The following SETBP1 variants were observed in gnomAD, a reference collection of about 807,000 sequenced individuals.
SETBP1 encodes SET binding protein 1.
Under a neutral mutation model 101.0 loss-of-function variants are expected in SETBP1, and 9 were observed. That is an observed-to-expected ratio of 0.09 (90% confidence interval 0.05 to 0.16). The LOEUF is 0.16. Ranked by LOEUF, SETBP1 falls within the 10% of genes least tolerant of loss-of-function variation. The pLI is 1.00. For synonymous variants in SETBP1, 818 were observed against 788.5 expected, an observed-to-expected ratio of 1.04 and a Z score of -0.63; for missense variants, 1,858 against 2,033.8, an observed-to-expected ratio of 0.91 and a Z score of 1.66.
chr18:44,953,324 C>T lies in SETBP1; in HGVS notation c.3984C>T (p.Asp1328=), dbSNP rs199931480. 3.0e-5 allele frequency: 48 copies of T among 1,613,610 alleles called. No homozygotes were observed. The highest frequency in any genetic ancestry group is 3.9e-5 in the Non-Finnish European group (46 of 1,179,904). The part of the protein sequence containing the change: ...KMNRKERSSY[D]SSMSPGMPSP... ...ACCGCAAGGAGAGAAGTTCTTATGA[C>T]TCCTCCATGTCTCCAGGTAAGGCTG... Residue 1328 remains aspartate (D), a synonymous_variant, in exon 4 of 6, where the codon GAC becomes GAT. Transcript: ENST00000649279.
chr18:45,048,266 T>C (rs1248267352), intron 5 of SETBP1, among the ~76,000 whole-genome samples: 3 of 152,178 alleles, frequency 2.0e-5, no homozygotes, highest in Non-Finnish European at 4.4e-5. Context: ...ATCAATGAAA[T>C]GAGAAAAGTG....
At chr18:44,913,517 G>C (rs1005022915) in intron 3 of SETBP1, among the ~76,000 whole-genome samples, 1 of 152,250 alleles carries the variant, frequency 6.6e-6, no homozygotes, top group Non-Finnish European at 1.5e-5. Flanking sequence ...GACTAGAGGT[G>C]AGTCAGGACT....
At chr18:44,926,411 G>C (rs1374134901) in intron 3 of SETBP1, among the ~76,000 whole-genome samples, 1 of 152,168 alleles carries the variant, frequency 6.6e-6, no homozygotes, top group Non-Finnish European at 1.5e-5. Context: ...TTGTCTGATG[G>C]TTAGTGCTGC....
rs183614733 is a variant in SETBP1, at chr18:45,042,278, T to C, written c.4171+3623T>C. On this transcript the variant is annotated intron_variant, in intron 5 of 5. Transcript: ENST00000649279. The stretch of plus-strand genomic sequence containing the variant: ...GATTCTCCTGCCTCAGCCTACCAAG[T>C]GGCTGGGATTACAGGCACATGCCAC... 1.8e-3 allele frequency among the ~76,000 whole-genome samples: 279 copies of C among 151,546 alleles called. 2 individuals carry two copies. Among genetic ancestry groups the C allele is most frequent in the African/African-American group, 6.5e-3 (269 of 41,284 alleles).
intron 2 of SETBP1, among the ~76,000 whole-genome samples, chr18:44,760,872 G>A (rs756326659): frequency 6.6e-6 from 1 of 151,970 alleles, no homozygotes; most frequent in Non-Finnish European, 1.5e-5. Flanking sequence ...AAGAAGGAAG[G>A]AATCTTAAAT....
intron 4 of SETBP1, among the ~76,000 whole-genome samples, chr18:44,978,523 A>G (rs955613627): frequency 3.9e-5 from 6 of 152,318 alleles, no homozygotes; most frequent in African/African-American, 1.4e-4. Context: ...TTTATCTGCC[A>G]TGATTCTTAT....
intron 3 of SETBP1, among the ~76,000 whole-genome samples, chr18:44,912,248 G>A (rs936137554): frequency 6.6e-6 from 1 of 152,098 alleles, no homozygotes; most frequent in Admixed American, 6.5e-5. Flanking sequence ...CCATGTTCAA[G>A]GCATATAATG....
intron 3 of SETBP1, among the ~76,000 whole-genome samples, chr18:44,937,662 G>A (rs946505208): frequency 1.3e-5 from 2 of 152,220 alleles, no homozygotes; most frequent in African/African-American, 4.8e-5. Flanking sequence ...AAGGTCTTAG[G>A]AGAAGACCGG....
intron 2 of SETBP1, among the ~76,000 whole-genome samples, chr18:44,858,759 G>A (rs1180887941): frequency 1.3e-5 from 2 of 152,164 alleles, no homozygotes; most frequent in African/African-American, 4.8e-5. Context: ...CTCATGCTGT[G>A]TTGGATTTGA....
chr18:44,961,639 G>A (rs2071613201), intron 4 of SETBP1, among the ~76,000 whole-genome samples: 1 of 152,124 alleles, frequency 6.6e-6, no homozygotes, highest in Non-Finnish European at 1.5e-5. Context: ...CTTATACTAT[G>A]TCATTCCACA....
intron 1 of SETBP1, among the ~76,000 whole-genome samples, chr18:44,698,524 G>A (rs1398080745): frequency 3.3e-5 from 5 of 151,960 alleles, no homozygotes; most frequent in African/African-American, 4.8e-5. Flanking sequence ...TCCTGCACAC[G>A]CCTGCCCAGG....
At chr18:44,704,145 C>T (rs2069171268) in intron 2 of SETBP1, among the ~76,000 whole-genome samples, 1 of 152,158 alleles carries the variant, frequency 6.6e-6, no homozygotes, top group Non-Finnish European at 1.5e-5. Flanking sequence ...AGCTTTCTCC[C>T]CATTGGAACA....
At position 45,066,150 on chromosome 18, in the gene SETBP1, T is replaced by C. The variant is rs746353749; in HGVS notation, c.*2452T>C. 2.0e-5 allele frequency: 3 copies of C among 152,194 alleles called. No homozygotes were observed. The highest frequency in any genetic ancestry group is 4.4e-5 in the Non-Finnish European group (3 of 68,046). 9.4% of individuals were successfully genotyped at this position (152,194 alleles called of 1,614,324 possible). The stretch of plus-strand genomic sequence containing the variant: ...CCAAAGTTTACTTGACATTAACCTC[T>C]AGTAGGTGAGAAATTCCAAAAAAGC... On this transcript the variant is annotated 3_prime_UTR_variant, in exon 6 of 6. Coordinates refer to ENST00000649279, the MANE Select transcript of SETBP1 (RefSeq NM_015559.3).
At chr18:45,003,348 G>A (rs879534360) in intron 4 of SETBP1, among the ~76,000 whole-genome samples, 20 of 152,134 alleles carry the variant, frequency 1.3e-4, no homozygotes, top group Admixed American at 6.5e-4. Flanking sequence ...TTAAACAATG[G>A]CAATATCGTT....
intron 3 of SETBP1, among the ~76,000 whole-genome samples, chr18:44,946,262 G>A (rs992191212): frequency 1.3e-5 from 2 of 152,334 alleles, no homozygotes; most frequent in Non-Finnish European, 2.9e-5. Context: ...AGGGCAGACT[G>A]CAGCTGAAAT....
chr18:44,865,542 G>C (rs1036929), intron 2 of SETBP1, among the ~76,000 whole-genome samples: 47,863 of 152,042 alleles, frequency 0.31, 7,669 homozygotes, highest in South Asian at 0.41. Flanking sequence ...CTTTATTTCT[G>C]ATCCACACCT....
In SETBP1 at chr18:44,952,933, C is replaced by T. The variant is rs200960707; in HGVS notation, c.3593C>T (p.Pro1198Leu). The change falls in exon 4 of 6, where the codon CCG (proline) becomes CTG (leucine). Residue 1198 changes from proline (P) to leucine (L), a missense_variant. By Grantham distance (98) the Pro-to-Leu change is moderately conservative. Around this residue, in one of 12 missense-constraint regions of SETBP1, gnomAD observed 417 missense variants for 389.1 expected, o/e 1.07. Transcript: ENST00000649279. Reference sequence around the variant, plus strand: ...CTGAGTAGCGCAGACAAAGAGCTCCCGCTGGTGAGTGAGAAGAACAAGCAT... The same window carrying T: ...CTGAGTAGCGCAGACAAAGAGCTCCTGCTGGTGAGTGAGAAGAACAAGCAT... The part of the protein sequence containing the change: ...ERLSSADKEL[P>L]LVSEKNKHKE... 152 of 1,614,118 alleles carry T rather than the reference C, an allele frequency of 9.4e-5. No individual in the cohort carries two copies. The highest frequency in any genetic ancestry group is 3.8e-4 in the East Asian group (17 of 44,878).
intron 1 of SETBP1, among the ~76,000 whole-genome samples, chr18:44,694,499 A>G (rs1164861029): frequency 1.3e-5 from 2 of 152,224 alleles, no homozygotes; most frequent in African/African-American, 4.8e-5. Flanking sequence ...GACATGCGCC[A>G]CCGCACTCCA....
At chr18:45,043,732 G>A (rs1043760897) in intron 5 of SETBP1, among the ~76,000 whole-genome samples, 3 of 152,178 alleles carry the variant, frequency 2.0e-5, no homozygotes, top group Non-Finnish European at 4.4e-5. Context: ...TATTAGCCCA[G>A]CCATCAGTCG....
Sources: gnomAD v4.1 joint callset for allele counts (sites outside exome capture counted in the v4.1 genomes callset) on GRCh38, gnomAD v4.1.1 for gene constraint, gnomAD v4.1.1 regional missense constraint, MANE v1.5 for transcripts, NCBI Gene and HGNC (gene_info 2026-07-23, HGNC 2026-07-21) for gene names.